Variants in RCL1 observed in about 807,000 individuals in gnomAD.
The protein encoded by RCL1 is RNA 3'-terminal phosphate cyclase-like protein.
Under a neutral mutation model 42.4 loss-of-function variants are expected in RCL1, and 24 were observed. The ratio of observed to expected loss-of-function variants is 0.57; its 90% CI spans 0.41 to 0.80. The LOEUF (loss-of-function observed/expected upper bound fraction) is 0.80. Among genes scored for constraint, RCL1 ranks in the 30% least tolerant of loss-of-function variants. The probability of loss-of-function intolerance (pLI) is 0.00; values close to 1 mark genes in which losing one functional copy is unlikely to be tolerated. For missense variants in RCL1, 578 were observed against 467.9 expected, an observed-to-expected ratio of 1.24 and a Z score of -2.17; for synonymous variants, 228 against 177.3, an observed-to-expected ratio of 1.29 and a Z score of -2.27.
chr9:4,830,474 GC>G (rs1244758789), intron 3 of RCL1, among the ~76,000 whole-genome samples: 1 of 152,140 alleles, frequency 6.6e-6, no homozygotes, highest in African/African-American at 2.4e-5. Flanking sequence ...TTCCTTAGAG[GC>G]AAGAGAATAG....
chr9:4,823,284 T>G (rs1482476097), intron 1 of RCL1, among the ~76,000 whole-genome samples: 1 of 8,306 alleles, frequency 1.2e-4, no homozygotes, highest in African/African-American at 1.7e-4. Context: ...TGGAGCTATT[T>G]TTTTTTTTTT....
rs1188959909 is a variant in RCL1 at position 4,826,984 on chromosome 9, C to A, written c.335C>A (p.Pro112Gln). Residue 112 changes from proline to glutamine, a missense_variant, in exon 3 of 9, where the codon CCG (proline) becomes CAG (glutamine). By Grantham distance (76) the Pro-to-Gln change is moderately conservative (BLOSUM62 -1). Transcript: ENST00000381750. ...LLCLAPFMKH[P>Q]LKIVLRGVTN... ...TGCTTGGCTCCATTTATGAAGCACCCGTTAAAAATAGTTCTACGAGGAGTG... is the reference window on the plus strand; with the variant it reads ...TGCTTGGCTCCATTTATGAAGCACCAGTTAAAAATAGTTCTACGAGGAGTG... The A allele has an allele frequency of 1.2e-6, 2 of 1,614,084 alleles. No homozygotes were observed. Among genetic ancestry groups the A allele is most frequent in the Admixed American group, 3.3e-5 (2 of 60,012 alleles).
At chr9:4,847,963 C>A (rs1439649880) in intron 7 of RCL1, among the ~76,000 whole-genome samples, 1 of 152,210 alleles carries the variant, frequency 6.6e-6, no homozygotes, top group Non-Finnish European at 1.5e-5. Flanking sequence ...GCAGGTGACA[C>A]CTCCCCCCAG....
intron 1 of RCL1, among the ~76,000 whole-genome samples, chr9:4,810,258 A>T (rs548597274): frequency 2.0e-4 from 31 of 152,332 alleles, no homozygotes; most frequent in Non-Finnish European, 4.1e-4. Flanking sequence ...ATGAGTTATT[A>T]CTGTGGACAT....
chr9:4,851,902 A>G (rs1587734144), intron 8 of RCL1, among the ~76,000 whole-genome samples: 1 of 5,246 alleles, frequency 1.9e-4, no homozygotes, highest in Non-Finnish European at 4.0e-4. Flanking sequence ...TTTTTTTGAG[A>G]CAGAGTTTCG....
intron 8 of RCL1, among the ~76,000 whole-genome samples, chr9:4,850,879 C>G (rs1198270442): frequency 6.6e-6 from 1 of 152,266 alleles, no homozygotes; most frequent in Non-Finnish European, 1.5e-5. Context: ...TGCCGTTTCC[C>G]AGCCCTTGCT....
chr9:4,802,488 G>C (rs925746774), intron 1 of RCL1, among the ~76,000 whole-genome samples: 1 of 152,096 alleles, frequency 6.6e-6, no homozygotes, highest in African/African-American at 2.4e-5. Flanking sequence ...AACATGATCT[G>C]TCTCTCTACT....
chr9:4,829,240 CT>C (rs1325260691), intron 3 of RCL1, among the ~76,000 whole-genome samples: 1 of 152,080 alleles, frequency 6.6e-6, no homozygotes, highest in Non-Finnish European at 1.5e-5. Flanking sequence ...GAAGATAATT[CT>C]GGAGGTTGAG....
At chr9:4,800,813 T>G (rs1842988360) in intron 1 of RCL1, among the ~76,000 whole-genome samples, 1 of 151,726 alleles carries the variant, frequency 6.6e-6, no homozygotes, top group Admixed American at 6.6e-5. Flanking sequence ...CCACCACACC[T>G]GGCTAATTTT....
chr9:4,854,823 G>T (rs377535593), intron 8 of RCL1, among the ~76,000 whole-genome samples: 1 of 152,108 alleles, frequency 6.6e-6, no homozygotes, highest in Non-Finnish European at 1.5e-5. Context: ...TTGGGAGGCC[G>T]AGGCGGGTAG....
chr9:4,842,837 G>A (rs571747526), intron 6 of RCL1, among the ~76,000 whole-genome samples: 4 of 152,184 alleles, frequency 2.6e-5, no homozygotes, highest in African/African-American at 4.8e-5. Flanking sequence ...GCTTCATCTC[G>A]ATAGTCCCTT....
intron 8 of RCL1, among the ~76,000 whole-genome samples, chr9:4,852,123 C>T (rs1195575254): frequency 4.6e-5 from 7 of 152,164 alleles, no homozygotes; most frequent in African/African-American, 1.4e-4. Context: ...CCTCGTGGTC[C>T]ACCCGCCTTG....
At chr9:4,852,386 C>A (rs7026626) in intron 8 of RCL1, among the ~76,000 whole-genome samples, 1,955 of 152,238 alleles carry the variant, frequency 0.013, 41 homozygotes, top group African/African-American at 0.045. Flanking sequence ...TTTGGATTAA[C>A]AGCAAGAAAA....
chr9:4,814,964 C>T (rs922788240), intron 1 of RCL1, among the ~76,000 whole-genome samples: 2 of 151,780 alleles, frequency 1.3e-5, no homozygotes, highest in Non-Finnish European at 2.9e-5. Context: ...TAAGGTTTCT[C>T]TGGAGAAATC....
chr9:4,803,185 C>T (rs1245646667), intron 1 of RCL1, among the ~76,000 whole-genome samples: 2 of 152,104 alleles, frequency 1.3e-5, no homozygotes, highest in African/African-American at 4.8e-5. Context: ...ATTTATCTTA[C>T]TTAGGTCATA....
At position 4,793,005 on chromosome 9, in the gene RCL1, G is replaced by A; in HGVS notation, c.-87G>A. ...CCGAGCCGCCGCCGTCGGTGTCGCC[G>A]CCACCACCACCATCGGAGTCACGAG... On this transcript the variant is annotated 5_prime_UTR_variant, in exon 1 of 9. Transcript: ENST00000381750. 7 of 1,459,956 alleles carry A rather than the reference G, an allele frequency of 4.8e-6. No homozygotes were observed. Among genetic ancestry groups the A allele is most frequent in the Non-Finnish European group, 5.5e-6 (6 of 1,090,884 alleles). The allele number at this position is 1,459,956 out of a possible 1,614,324, so 90.4% of individuals were successfully genotyped here.
intron 4 of RCL1, among the ~76,000 whole-genome samples, chr9:4,833,753 A>G (rs1317162233): frequency 6.6e-6 from 1 of 152,216 alleles, no homozygotes; most frequent in African/African-American, 2.4e-5. Flanking sequence ...AACAGGGGAA[A>G]TGACTTCATT....
intron 1 of RCL1, among the ~76,000 whole-genome samples, chr9:4,813,822 A>T (rs1335551114): frequency 6.6e-6 from 1 of 152,252 alleles, no homozygotes; most frequent in African/African-American, 2.4e-5. Flanking sequence ...GATTAAGAAA[A>T]TGTGGCACAT....
chr9:4,794,634 G>A (rs1466414409), intron 1 of RCL1, among the ~76,000 whole-genome samples: 1 of 131,068 alleles, frequency 7.6e-6, no homozygotes, highest in Non-Finnish European at 1.7e-5. Context: ...ATAAAAGTAG[G>A]CATAACTTTT....
Sources: allele counts gnomAD v4.1 joint callset (sites outside exome capture counted in the v4.1 genomes callset), GRCh38; gene constraint gnomAD v4.1.1; transcripts MANE v1.5; gene names NCBI Gene and HGNC (gene_info 2026-07-23, HGNC 2026-07-21).